The following NHSL1 variants were observed in gnomAD, a reference collection of about 807,000 sequenced individuals.
NHSL1 encodes NHS like 1.
Under a neutral mutation model 95.0 loss-of-function variants are expected in NHSL1, and 48 were observed. The ratio of observed to expected loss-of-function variants is 0.51; its 90% CI spans 0.40 to 0.64. NHSL1 has a LOEUF of 0.64. NHSL1 is among the 30% of genes least tolerant of loss of function. The pLI is 0.00. For missense variants in NHSL1, 1,971 were observed against 2,077.7 expected, an observed-to-expected ratio of 0.95 and a Z score of 1.00; for synonymous variants, 783 against 833.9, an observed-to-expected ratio of 0.94 and a Z score of 1.05.
intron 1 of NHSL1, among the ~76,000 whole-genome samples, chr6:138,590,409 CAA>C (rs141705045): frequency 0.017 from 2,654 of 152,314 alleles, 79 homozygotes; most frequent in African/African-American, 0.06. Flanking sequence ...CATAAAACTA[CAA>C]AGAGTCAAGC....
chr6:138,437,520 T>A (rs1776268827), intron 5 of NHSL1, among the ~76,000 whole-genome samples: 1 of 150,224 alleles, frequency 6.7e-6, no homozygotes, highest in African/African-American at 2.4e-5. Flanking sequence ...TTTTCATGCC[T>A]GTTAACACAA....
intron 1 of NHSL1, among the ~76,000 whole-genome samples, chr6:138,556,929 T>G (rs1783214508): frequency 6.6e-6 from 1 of 152,140 alleles, no homozygotes; most frequent in Non-Finnish European, 1.5e-5. Context: ...AAACTTGGTG[T>G]CTACATATCA....
rs142290223 is a variant in NHSL1, at chr6:138,541,036, G to A, written c.16+4587C>T. ...TAAAATATAGTGAAATTATTCCTGG[G>A]GCACAGAAGGATATATGTATGCATC... is the stretch of plus-strand genomic sequence containing the variant. On this transcript the variant is annotated intron_variant, in intron 1 of 4. Coordinates refer to the NHSL1 transcript ENST00000342260. Among the ~76,000 whole-genome samples the A allele has an allele frequency of 3.8e-3, 580 of 152,200 alleles. 6 individuals are homozygous for A. Among genetic ancestry groups the A allele is most frequent in the African/African-American group, 0.013 (536 of 41,528 alleles).
intron 3 of NHSL1, among the ~76,000 whole-genome samples, chr6:138,461,566 AATTAACT>A (rs1777999894): frequency 6.6e-6 from 1 of 152,172 alleles, no homozygotes; most frequent in Admixed American, 6.5e-5. Flanking sequence ...GAGGCCTGAG[AATTAACT>A]ATTAAATATT....
At chr6:138,446,328 C>A (rs1459749537) in intron 4 of NHSL1, among the ~76,000 whole-genome samples, 1 of 152,128 alleles carries the variant, frequency 6.6e-6, no homozygotes, top group African/African-American at 2.4e-5. Flanking sequence ...TGAGCCACCA[C>A]GCCCAGCCAA....
At chr6:138,452,754 T>C (rs1304021174) in intron 3 of NHSL1, among the ~76,000 whole-genome samples, 1 of 152,176 alleles carries the variant, frequency 6.6e-6, no homozygotes, top group African/African-American at 2.4e-5. Flanking sequence ...TTTGGCTATA[T>C]GTTTCTTCTG....
At chr6:138,440,563 C>T (rs73776960) in intron 5 of NHSL1, among the ~76,000 whole-genome samples, 4,660 of 151,906 alleles carry the variant, frequency 0.031, 68 homozygotes, top group Middle Eastern at 0.082. Context: ...TGGCTGCCTG[C>T]GGCAAAGGCA....
At chr6:138,585,890 A>C (rs992223765) in intron 1 of NHSL1, among the ~76,000 whole-genome samples, 1 of 151,792 alleles carries the variant, frequency 6.6e-6, no homozygotes, top group South Asian at 2.1e-4. Context: ...AAAAAAAAAA[A>C]AAACTTAAAA....
At chr6:138,446,952 A>G (rs1235874001) in intron 4 of NHSL1, 49 bp downstream of exon 4, 1 of 1,507,170 alleles carries the variant, frequency 6.6e-7, no homozygotes, top group Non-Finnish European at 9.0e-7. Context: ...AAAAAGCTGT[A>G]GTCATTCTCC....
intron 1 of NHSL1, among the ~76,000 whole-genome samples, chr6:138,589,880 CACT>C (rs1784198971): frequency 6.6e-6 from 1 of 152,224 alleles, no homozygotes. Context: ...TTGGCATCCA[CACT>C]GATCCTTCCA....
chr6:138,496,440 G>A, intron 1 of NHSL1, 69 bp from the exon 2 acceptor site: 2 of 1,464,154 alleles, frequency 1.4e-6, no homozygotes, highest in South Asian at 2.4e-5. Context: ...ACATCATGAT[G>A]TGTTTCCATG....
chr6:138,470,238 T>C (rs2128244564), intron 3 of NHSL1, among the ~76,000 whole-genome samples: 2 of 152,326 alleles, frequency 1.3e-5, no homozygotes, highest in East Asian at 3.9e-4. Context: ...TCTCTAATGA[T>C]ATATTCCAAG....
rs1157212246 is a variant in NHSL1, at chr6:138,635,078, TA to T, written c.96+57397del. 3.4e-3 allele frequency among the ~76,000 whole-genome samples: 479 copies of T among 139,868 alleles called. 3 individuals are homozygous for T. The highest frequency in any genetic ancestry group is 0.016 in the East Asian group (80 of 4,928). The allele number at this position is 139,868 out of a possible 152,430, so 91.8% of individuals were successfully genotyped here. A position where few individuals can be genotyped will look rare whatever the true frequency, so the allele number is the denominator to read the frequency against. ...TTATAGCTACCTCAAGTACCTACATTAAAAAAAAAAAAACTTCAAATAAACA... is the reference window on the plus strand; with the variant it reads ...TTATAGCTACCTCAAGTACCTACATTAAAAAAAAAAAACTTCAAATAAACA... On this transcript the variant is annotated intron_variant, in intron 1 of 3. Coordinates refer to the NHSL1 transcript ENST00000491526.
chr6:138,669,656 G>T (rs186163140), intron 1 of NHSL1, among the ~76,000 whole-genome samples: 68 of 152,318 alleles, frequency 4.5e-4, no homozygotes, highest in African/African-American at 1.5e-3. Flanking sequence ...AAGCACAGTT[G>T]AGAACCTACC....
intron 1 of NHSL1, among the ~76,000 whole-genome samples, chr6:138,560,852 C>A (rs1783384286): frequency 6.6e-6 from 1 of 152,156 alleles, no homozygotes; most frequent in Non-Finnish European, 1.5e-5. Flanking sequence ...TGAGGCGTTT[C>A]TAGTTACAAA....
Position 138,430,367 on chromosome 6 carries a change from G to T in NHSL1, c.3952+26C>A, listed in dbSNP as rs951980508. 2.8e-6 allele frequency: 4 copies of T among 1,450,182 alleles called. No homozygotes were observed. The East Asian group carries it at 1.0e-4, about 36-fold the overall frequency. The allele number at this position is 1,450,182 out of a possible 1,614,324, so 89.8% of individuals were successfully genotyped here. On this transcript the variant is annotated intron_variant, in intron 6 of 7. Transcript: ENST00000343505. This position sits in a 1 kb window ranked among gnomAD's most constrained non-coding sequence, Gnocchi z 4.7. Reference sequence around the variant, plus strand: ...CTGCATATGGGCAGAGGGCACAGGAGAGAGAAGCCAGGAAGCCAGACTCAC... The same window carrying T: ...CTGCATATGGGCAGAGGGCACAGGATAGAGAAGCCAGGAAGCCAGACTCAC...
At chr6:138,521,640 G>A (rs1781688115) in intron 1 of NHSL1, among the ~76,000 whole-genome samples, 1 of 152,216 alleles carries the variant, frequency 6.6e-6, no homozygotes, top group Non-Finnish European at 1.5e-5. Flanking sequence ...TTAGATGTGG[G>A]ACAGAAGAAA....
intron 1 of NHSL1, among the ~76,000 whole-genome samples, chr6:138,639,882 T>C (rs539495822): frequency 6.9e-6 from 1 of 144,194 alleles, no homozygotes; most frequent in African/African-American, 2.5e-5. Context: ...TTTTCAAATT[T>C]TAGCTTTTTT....
In NHSL1 at chr6:138,535,100, T is replaced by C. The variant is rs115498294; in HGVS notation, c.16+10523A>G. Among the ~76,000 whole-genome samples, 614 of 152,300 alleles carry C rather than the reference T, an allele frequency of 4.0e-3. 4 individuals carry two copies. Among genetic ancestry groups the C allele is most frequent in the African/African-American group, 0.015 (603 of 41,570 alleles). ...ATCGCTGGTCTTAAAAGATCTACTC[T>C]GGCTACTGGGTTGAAAGTAGGCTAT... On this transcript the variant is annotated intron_variant, in intron 1 of 4. Coordinates refer to the NHSL1 transcript ENST00000342260.
Sources: allele counts gnomAD v4.1 joint callset (sites outside exome capture counted in the v4.1 genomes callset), GRCh38; gene constraint gnomAD v4.1.1; non-coding constraint Gnocchi (gnomAD v3.1); transcripts MANE v1.5; gene names NCBI Gene and HGNC (gene_info 2026-07-23, HGNC 2026-07-21).